Variants in GSK3B observed in about 807,000 individuals in gnomAD.
GSK3B encodes glycogen synthase kinase-3 beta.
Under a neutral mutation model 56.4 loss-of-function variants are expected in GSK3B, and 15 were observed. The observed-to-expected ratio is 0.27, with a 90% CI of 0.18 to 0.41. The LOEUF is 0.41. Among genes scored for constraint, GSK3B ranks in the 10% least tolerant of loss-of-function variants. The pLI is 1.00. For synonymous variants in GSK3B, 181 were observed against 188.9 expected (o/e 0.96, Z 0.34); for missense variants, 300 against 513.4 (o/e 0.58, Z 4.02).
At chr3:119,873,141 C>T (rs2108045238) in intron 8 of GSK3B, among the ~76,000 whole-genome samples, 1 of 152,206 alleles carries the variant, frequency 6.6e-6, no homozygotes, top group Admixed American at 6.5e-5. Context: ...AATTATGTTG[C>T]ACTGGCTATT....
intron 3 of GSK3B, among the ~76,000 whole-genome samples, chr3:119,943,985 A>G (rs899543706): frequency 2.6e-4 from 39 of 152,194 alleles, no homozygotes; most frequent in Non-Finnish European, 5.7e-4. Flanking sequence ...AGGCGAAAAA[A>G]GGGCTAGAGA....
chr3:119,920,029 T>C (rs2056823718), intron 4 of GSK3B, among the ~76,000 whole-genome samples: 1 of 152,146 alleles, frequency 6.6e-6, no homozygotes, highest in African/African-American at 2.4e-5. Context: ...TACTTAACAC[T>C]GGTAGAGGAA....
chr3:119,883,120 C>T (rs1019290253), intron 7 of GSK3B, among the ~76,000 whole-genome samples: 4 of 152,166 alleles, frequency 2.6e-5, no homozygotes, highest in African/African-American at 7.2e-5. Context: ...CCTAACATTA[C>T]AGTATGTTCC....
intron 4 of GSK3B, among the ~76,000 whole-genome samples, chr3:119,917,577 G>A (rs2056793794): frequency 1.3e-5 from 2 of 150,948 alleles, no homozygotes; most frequent in Admixed American, 1.3e-4. Context: ...GAGTTCATAG[G>A]CATAAATTTA....
In GSK3B at chr3:119,822,931, T is replaced by C. The variant is rs1439460118; in HGVS notation, c.*3857A>G. ...TAGATGAAATGCCAGTGTCTTCATA[T>C]CCACAGGGATAGAGAATACTCCTCT... On this transcript the variant is annotated 3_prime_UTR_variant, in exon 11 of 11. Coordinates refer to ENST00000264235, the MANE Select transcript of GSK3B (RefSeq NM_001146156.2). The C allele has an allele frequency of 8.7e-6, 2 of 229,060 alleles. No individual in the cohort carries two copies. The highest frequency in any genetic ancestry group is 1.7e-5 in the Non-Finnish European group (2 of 115,468). The allele number at this position is 229,060 out of a possible 1,614,324, so 14.2% of individuals were successfully genotyped here.
chr3:119,981,538 T>C (rs2057462084), intron 2 of GSK3B, among the ~76,000 whole-genome samples: 1 of 152,252 alleles, frequency 6.6e-6, no homozygotes, highest in African/African-American at 2.4e-5. Flanking sequence ...GACAAGATGA[T>C]TCTCTCCCGT....
intron 10 of GSK3B, among the ~76,000 whole-genome samples, chr3:119,828,567 T>G (rs1362682334): frequency 6.6e-6 from 1 of 152,192 alleles, no homozygotes; most frequent in East Asian, 1.9e-4. Context: ...ATCTACCATG[T>G]GCTATGGTGA....
chr3:120,076,899 A>G (rs1486277814), intron 1 of GSK3B, among the ~76,000 whole-genome samples: 1 of 151,920 alleles, frequency 6.6e-6, no homozygotes, highest in African/African-American at 2.4e-5. Context: ...GCCAACAGGT[A>G]TATGAAAAGG....
intron 1 of GSK3B, among the ~76,000 whole-genome samples, chr3:120,066,318 G>A (rs2058278173): frequency 1.3e-5 from 2 of 152,008 alleles, no homozygotes; most frequent in Non-Finnish European, 2.9e-5. Context: ...TACAAGATGA[G>A]CCTGGAACAT....
rs755481362 is a variant in GSK3B at position 119,863,383 on chromosome 3, C to T, written c.1096+36G>A. 106 of 1,543,612 alleles carry T rather than the reference C, an allele frequency of 6.9e-5. No individual in the cohort carries two copies. In the Admixed American group the frequency reaches 1.7e-3, roughly 25 times the overall value. Reference sequence around the variant, plus strand: ...ATTTCACACCCAGGGTGTAGCTTTCCTAGAACTGGTGAAGAGGCTAAGTGT... The same window carrying T: ...ATTTCACACCCAGGGTGTAGCTTTCTTAGAACTGGTGAAGAGGCTAAGTGT... On this transcript the variant is annotated intron_variant, in intron 9 of 10. Transcript: ENST00000264235.
At chr3:120,005,797 A>C (rs576289597) in intron 1 of GSK3B, among the ~76,000 whole-genome samples, 1 of 152,340 alleles carries the variant, frequency 6.6e-6, no homozygotes, top group Non-Finnish European at 1.5e-5. Flanking sequence ...GGATAGCAAC[A>C]ACCGGTAGCA....
At chr3:119,886,212 C>T (rs563244769) in intron 7 of GSK3B, among the ~76,000 whole-genome samples, 17 of 151,966 alleles carry the variant, frequency 1.1e-4, no homozygotes, top group Non-Finnish European at 2.1e-4. Flanking sequence ...ACAAATAACC[C>T]CATTAAAAAA....
At chr3:119,954,774 C>CAT (rs1325161919) in intron 2 of GSK3B, among the ~76,000 whole-genome samples, 2 of 152,110 alleles carry the variant, frequency 1.3e-5, no homozygotes, top group African/African-American at 4.8e-5. Flanking sequence ...TCTGACATCT[C>CAT]ATGCTTTAAA....
intron 2 of GSK3B, among the ~76,000 whole-genome samples, chr3:119,971,188 G>A (rs1333828284): frequency 3.3e-5 from 5 of 152,196 alleles, no homozygotes; most frequent in East Asian, 1.9e-4. Context: ...TCAGAATGCT[G>A]TAGGTTTTAC....
intron 10 of GSK3B, among the ~76,000 whole-genome samples, chr3:119,832,194 T>G (rs1457768156): frequency 6.6e-6 from 1 of 152,238 alleles, no homozygotes; most frequent in Non-Finnish European, 1.5e-5. Context: ...GTGAGATACT[T>G]AAGTAGCACT....
At chr3:119,895,356 A>G (rs577945048) in intron 7 of GSK3B, among the ~76,000 whole-genome samples, 2 of 152,152 alleles carry the variant, frequency 1.3e-5, no homozygotes, top group East Asian at 3.9e-4. Context: ...CGTTGTTTCC[A>G]TATCTTGGCT....
At chr3:120,016,936 G>C (rs1404356618) in intron 1 of GSK3B, among the ~76,000 whole-genome samples, 1 of 152,068 alleles carries the variant, frequency 6.6e-6, no homozygotes, top group Non-Finnish European at 1.5e-5. Flanking sequence ...CTCCTCACTT[G>C]AAATAATTTC....
At chr3:119,911,028 C>T (rs903977092) in intron 6 of GSK3B, among the ~76,000 whole-genome samples, 7 of 152,188 alleles carry the variant, frequency 4.6e-5, no homozygotes, top group Admixed American at 1.3e-4. Context: ...GCCTCAAGGT[C>T]ACCCATGAGG....
intron 2 of GSK3B, among the ~76,000 whole-genome samples, chr3:119,964,597 C>T (rs1347245368): frequency 6.6e-6 from 1 of 151,966 alleles, no homozygotes; most frequent in Non-Finnish European, 1.5e-5. Flanking sequence ...TACTAGGAGA[C>T]AGGGGAGGAA....
Sources: allele counts gnomAD v4.1 joint callset (sites outside exome capture counted in the v4.1 genomes callset), GRCh38; gene constraint gnomAD v4.1.1; transcripts MANE v1.5; gene names NCBI Gene and HGNC (gene_info 2026-07-23, HGNC 2026-07-21).